Variants in SFXN1 observed in about 807,000 individuals in gnomAD.
The protein encoded by SFXN1 is sideroflexin 1.
In SFXN1, 32 loss-of-function variants were observed where a neutral mutation model predicts 39.5. The ratio of observed to expected loss-of-function variants is 0.81; its 90% CI spans 0.61 to 1.09. The LOEUF (loss-of-function observed/expected upper bound fraction) is 1.09, where lower values mean the gene tolerates loss of function less well. Ranked by LOEUF, SFXN1 falls within the 50% of genes least tolerant of loss-of-function variation. The probability of loss-of-function intolerance (pLI) is 0.00; values close to 1 mark genes in which losing one functional copy is unlikely to be tolerated. For missense variants in SFXN1, 402 were observed against 407.1 expected (o/e 0.99, Z 0.11); for synonymous variants, 136 against 146.5 (o/e 0.93, Z 0.52).
chr5:175,518,921 G>C (rs370136090), intron 8 of SFXN1, among the ~76,000 whole-genome samples: 2 of 152,228 alleles, frequency 1.3e-5, no homozygotes, highest in African/African-American at 2.4e-5. Context: ...TTAAAATTCT[G>C]TTCTTTAAAA....
intron 2 of SFXN1, among the ~76,000 whole-genome samples, chr5:175,504,053 AG>A (rs906534755): frequency 1.4e-5 from 2 of 139,878 alleles, no homozygotes; most frequent in East Asian, 2.4e-4. Flanking sequence ...GAAAGAAAAG[AG>A]GGGGGTGGGG....
intron 1 of SFXN1, among the ~76,000 whole-genome samples, chr5:175,479,926 A>G (rs935801109): frequency 1.8e-4 from 28 of 152,228 alleles, no homozygotes; most frequent in African/African-American, 6.5e-4. Flanking sequence ...AGGCATTGTT[A>G]TAGGTGCCCA....
chr5:175,500,259 A>G (rs993437298), intron 2 of SFXN1, among the ~76,000 whole-genome samples: 10 of 152,240 alleles, frequency 6.6e-5, no homozygotes, highest in South Asian at 2.1e-4. Flanking sequence ...CAAGATCAAT[A>G]TACAAAAATC....
At chr5:175,488,533 A>G (rs1581265441) in intron 1 of SFXN1, among the ~76,000 whole-genome samples, 1 of 152,218 alleles carries the variant, frequency 6.6e-6, no homozygotes, top group South Asian at 2.1e-4. Flanking sequence ...TCCTGACCTC[A>G]GGTGATCCGC....
rs7447430 is a variant in SFXN1, at chr5:175,490,859, A to T, written c.-9-1236A>T. Among the ~76,000 whole-genome samples, 99 of 152,296 alleles carry T rather than the reference A, an allele frequency of 6.5e-4. No individual in the cohort carries two copies. The East Asian group carries it at 0.015, about 23-fold the overall frequency. ...TGCTCATGAAATAAGTGCAAAAAAA[A>T]CAAGATCTTAAAATATATAGTATGA... On this transcript the variant is annotated intron_variant, in intron 1 of 10. Coordinates refer to ENST00000321442, the MANE Select transcript of SFXN1 (RefSeq NM_022754.7).
At chr5:175,522,241 G>A (rs1760904475) in intron 9 of SFXN1, 134 bp from the exon 10 acceptor site, 2 of 874,752 alleles carry the variant, frequency 2.3e-6, no homozygotes, top group Non-Finnish European at 3.4e-6. Context: ...TACACAAACA[G>A]GACTTATTTT....
At chr5:175,492,061 C>T in intron 1 of SFXN1, 34 bp from the exon 2 acceptor site, 1 of 1,563,728 alleles carries the variant, frequency 6.4e-7, no homozygotes, top group Non-Finnish European at 8.7e-7. Context: ...ACATTGTAAG[C>T]CTTACACGAA....
At chr5:175,526,545 G>T (rs1328329195) in intron 10 of SFXN1, 93 bp from the exon 11 acceptor site, 1 of 948,360 alleles carries the variant, frequency 1.1e-6, no homozygotes, top group Non-Finnish European at 1.7e-6. Flanking sequence ...CCAGTCCTGG[G>T]ATCTCCACAC....
At chr5:175,516,557 A>T in intron 7 of SFXN1, 57 bp from the exon 8 acceptor site, 2 of 1,483,770 alleles carry the variant, frequency 1.3e-6, no homozygotes, top group South Asian at 2.4e-5. Flanking sequence ...TGAAAAAAAA[A>T]GTAAGCTGAA....
At chr5:175,501,943 A>G (rs996968973) in intron 2 of SFXN1, among the ~76,000 whole-genome samples, 1 of 152,206 alleles carries the variant, frequency 6.6e-6, no homozygotes, top group African/African-American at 2.4e-5. Flanking sequence ...TATTATTCAA[A>G]TCAGTCTCCC....
chr5:175,505,717 A>G (rs1008039490), intron 2 of SFXN1, among the ~76,000 whole-genome samples: 1 of 152,192 alleles, frequency 6.6e-6, no homozygotes, highest in Admixed American at 6.5e-5. Context: ...GAATATGTAG[A>G]TAAGTGGAAA....
At chr5:175,497,002 G>A (rs1759882114) in intron 2 of SFXN1, among the ~76,000 whole-genome samples, 1 of 151,786 alleles carries the variant, frequency 6.6e-6, no homozygotes, top group Non-Finnish European at 1.5e-5. Context: ...AATTCTCCCT[G>A]CCTCAGCCTC....
At chr5:175,497,911 CAA>C (rs1192518382) in intron 2 of SFXN1, among the ~76,000 whole-genome samples, 4 of 113,300 alleles carry the variant, frequency 3.5e-5, no homozygotes, top group Admixed American at 2.2e-4. Context: ...GCGCAGGTGA[CAA>C]GAGCAAAACT....
At chr5:175,481,772 A>G (rs1176045331) in intron 1 of SFXN1, among the ~76,000 whole-genome samples, 1 of 152,244 alleles carries the variant, frequency 6.6e-6, no homozygotes. Context: ...AGCATATGCA[A>G]CACAAATCCA....
intron 4 of SFXN1, chr5:175,510,412 C>A: frequency 1.9e-6 from 1 of 531,962 alleles, no homozygotes; most frequent in East Asian, 3.4e-5. Flanking sequence ...AGTCTTCTTC[C>A]AGCCTGCCTT....
chr5:175,502,051 G>A (rs1197496368), intron 2 of SFXN1, among the ~76,000 whole-genome samples: 1 of 152,226 alleles, frequency 6.6e-6, no homozygotes, highest in Non-Finnish European at 1.5e-5. Context: ...TGGACTCATA[G>A]AGGGTTGAAG....
intron 8 of SFXN1, among the ~76,000 whole-genome samples, chr5:175,519,389 CGAA>C (rs1222579553): frequency 2.0e-5 from 3 of 152,120 alleles, no homozygotes; most frequent in African/African-American, 7.2e-5. Flanking sequence ...CCATAAAAGA[CGAA>C]TATTCATAGC....
Position 175,510,109 on chromosome 5 carries a change from G to C in SFXN1, c.336G>C (p.Arg112Ser). The part of the protein sequence containing the change: ...TITGCMMTFY[R>S]TTPAVLFWQW... Reference sequence around the variant, plus strand: ...TATGTGACGGATGCCTCTGTTTTAGGACTACGCCGGCTGTGCTGTTCTGGC... The same window carrying C: ...TATGTGACGGATGCCTCTGTTTTAGCACTACGCCGGCTGTGCTGTTCTGGC... The change falls in exon 4 of 11, where the codon AGG becomes AGC. Residue 112 changes from arginine to serine, a missense_variant and splice_region_variant. By Grantham distance (110) the Arg-to-Ser change is moderately radical (BLOSUM62 -1). Coordinates refer to ENST00000321442, the MANE Select transcript of SFXN1 (RefSeq NM_022754.7). The C allele has an allele frequency of 6.2e-7, 1 of 1,609,860 alleles. No homozygotes were observed. Among genetic ancestry groups the C allele is most frequent in the Admixed American group, 1.7e-5 (1 of 59,546 alleles).
At chr5:175,505,445 G>T (rs1760252366) in intron 2 of SFXN1, among the ~76,000 whole-genome samples, 1 of 151,480 alleles carries the variant, frequency 6.6e-6, no homozygotes, top group South Asian at 2.1e-4. Context: ...GCCGGGGCAG[G>T]AGCATTGCTT....
Sources: allele counts gnomAD v4.1 joint callset (sites outside exome capture counted in the v4.1 genomes callset), GRCh38; gene constraint gnomAD v4.1.1; transcripts MANE v1.5; gene names NCBI Gene and HGNC (gene_info 2026-07-23, HGNC 2026-07-21).